The following PRKAG2 variants were observed in gnomAD, a reference collection of about 807,000 sequenced individuals.
PRKAG2 encodes protein kinase AMP-activated non-catalytic subunit gamma 2, also known as 5'-AMP-activated protein kinase subunit gamma-2.
Under a neutral mutation model 69.6 loss-of-function variants are expected in PRKAG2, and 26 were observed. The ratio of observed to expected loss-of-function variants is 0.37; its 90% confidence interval spans 0.27 to 0.52. The LOEUF is 0.52. PRKAG2 is among the 20% of genes least tolerant of loss of function. PRKAG2 has a pLI of 0.90. For synonymous variants in PRKAG2, 293 were observed against 285.0 expected, an observed-to-expected ratio of 1.03 and a Z score of -0.28; for missense variants, 557 against 740.0, an observed-to-expected ratio of 0.75 and a Z score of 2.87.
intron 1 of PRKAG2, among the ~76,000 whole-genome samples, chr7:151,821,451 G>A (rs1417356424): frequency 6.6e-6 from 1 of 152,194 alleles, no homozygotes; most frequent in African/African-American, 2.4e-5. Context: ...TCAGGCAGGT[G>A]CTCCGGGGCT....
At position 151,802,929 on chromosome 7, in the gene PRKAG2, G is replaced by GAT. The variant is rs1038569426; in HGVS notation, c.115-16390_115-16389dup. On this transcript the variant is annotated intron_variant, in intron 1 of 15. Transcript: ENST00000287878. ...TTAAAGTTATCATAGACATATATAT[G>GAT]ATATATATATAAGCAATATGATATA... Among the ~76,000 whole-genome samples, 171 of 137,808 alleles carry GAT rather than the reference G, an allele frequency of 1.2e-3. 1 individual carries two copies. The highest frequency in any genetic ancestry group is 4.6e-3 in the African/African-American group (163 of 35,570). 90.4% of individuals were successfully genotyped at this position (137,808 alleles called of 152,430 possible).
intron 3 of PRKAG2, among the ~76,000 whole-genome samples, chr7:151,727,762 C>A: frequency 6.6e-6 from 1 of 152,148 alleles, no homozygotes; most frequent in Non-Finnish European, 1.5e-5. Context: ...CCCTGTATCC[C>A]CTGGGAGGCG....
At chr7:151,627,691 ATTTTGT>A (rs1018203501) in intron 5 of PRKAG2, among the ~76,000 whole-genome samples, 10 of 152,164 alleles carry the variant, frequency 6.6e-5, no homozygotes, top group African/African-American at 2.2e-4. Context: ...CGTTGTTGTC[ATTTTGT>A]TTTTGTTTTT....
chr7:151,856,606 G>C (rs1040102860), intron 1 of PRKAG2, among the ~76,000 whole-genome samples: 1 of 152,250 alleles, frequency 6.6e-6, no homozygotes, highest in African/African-American at 2.4e-5. Context: ...GTGAATACTA[G>C]GAACAGGCAG....
chr7:151,620,386 G>A (rs962786714), intron 5 of PRKAG2, among the ~76,000 whole-genome samples: 2 of 151,856 alleles, frequency 1.3e-5, no homozygotes, highest in Non-Finnish European at 2.9e-5. Flanking sequence ...ATGTTGCCCA[G>A]ACTGGCCTCA....
Position 151,855,120 on chromosome 7 carries a change from A to AC in PRKAG2, c.114+21386dup, listed in dbSNP as rs1190748279. Among the ~76,000 whole-genome samples the AC allele has an allele frequency of 5.3e-4, 25 of 46,790 alleles. 5 individuals are homozygous for AC. The highest frequency in any genetic ancestry group is 7.1e-4 in the Non-Finnish European group (19 of 26,584). The allele number at this position is 46,790 out of a possible 152,430, so 30.7% of individuals were successfully genotyped here. A position where few individuals can be genotyped will look rare whatever the true frequency, so the allele number is the denominator to read the frequency against. ...CCTCCACACACACCACCCTACACAC[A>AC]CACCATCCTCCACACACACCACCCT... On this transcript the variant is annotated intron_variant, in intron 1 of 15. Transcript: ENST00000287878.
chr7:151,578,140 T>A (rs918835626), intron 6 of PRKAG2, among the ~76,000 whole-genome samples: 1 of 151,566 alleles, frequency 6.6e-6, no homozygotes, highest in Non-Finnish European at 1.5e-5. Context: ...AGGCCAGGAA[T>A]TCGAGACCAG....
At chr7:151,816,418 C>G (rs1041079243) in intron 1 of PRKAG2, among the ~76,000 whole-genome samples, 7 of 152,030 alleles carry the variant, frequency 4.6e-5, no homozygotes, top group African/African-American at 1.7e-4. Flanking sequence ...TATTCTGTGT[C>G]AACAACCCAG....
At chr7:151,860,643 A>G (rs1284545790) in intron 1 of PRKAG2, among the ~76,000 whole-genome samples, 1 of 151,980 alleles carries the variant, frequency 6.6e-6, no homozygotes, top group African/African-American at 2.4e-5. Context: ...AAAGCCCCAT[A>G]TTTATTTTCT....
At chr7:151,763,540 T>A (rs577687379) in intron 3 of PRKAG2, among the ~76,000 whole-genome samples, 1 of 152,326 alleles carries the variant, frequency 6.6e-6, no homozygotes, top group African/African-American at 2.4e-5. Context: ...GTTCGCTGGC[T>A]CCTCAGCCAC....
At chr7:151,779,008 T>C (rs905482872) in intron 3 of PRKAG2, among the ~76,000 whole-genome samples, 1 of 152,222 alleles carries the variant, frequency 6.6e-6, no homozygotes, top group Non-Finnish European at 1.5e-5. Flanking sequence ...CAAATTATTA[T>C]ATGCATATGC....
intron 1 of PRKAG2, among the ~76,000 whole-genome samples, chr7:151,787,166 C>T (rs2077050909): frequency 6.6e-6 from 1 of 152,234 alleles, no homozygotes; most frequent in Non-Finnish European, 1.5e-5. Context: ...GGCACAGCTG[C>T]ATCCCTAACC....
intron 3 of PRKAG2, among the ~76,000 whole-genome samples, chr7:151,724,297 C>G (rs1303276113): frequency 6.6e-6 from 1 of 152,166 alleles, no homozygotes; most frequent in Non-Finnish European, 1.5e-5. Context: ...ATACAGGGCC[C>G]TTTCACAGAC....
chr7:151,836,248 G>T lies in PRKAG2; in HGVS notation c.114+40259C>A, dbSNP rs1433373352. Among the ~76,000 whole-genome samples the T allele has an allele frequency of 1.3e-5, 2 of 152,152 alleles. No homozygotes were observed. Among genetic ancestry groups the T allele is most frequent in the African/African-American group, 4.8e-5 (2 of 41,430 alleles). ...GACTGAGAGACTCGGGGGAGCAGGGGCTGCGTCAGGACCCCCTTTCTGCCA... is the reference window on the plus strand; with the variant it reads ...GACTGAGAGACTCGGGGGAGCAGGGTCTGCGTCAGGACCCCCTTTCTGCCA... On this transcript the variant is annotated intron_variant, in intron 1 of 15. Coordinates refer to ENST00000287878, the MANE Select transcript of PRKAG2 (RefSeq NM_016203.4). This position sits in a 1 kb window ranked among gnomAD's most constrained non-coding sequence, Gnocchi z 4.1.
intron 1 of PRKAG2, among the ~76,000 whole-genome samples, chr7:151,874,049 T>TATGTATATGTATATGTATATG (rs1353836062): frequency 7.6e-6 from 1 of 131,264 alleles, no homozygotes; most frequent in Non-Finnish European, 1.7e-5. Context: ...GATGTATATG[T>TATGTATATGTATATGTATATG]ATGTATATGT....
intron 5 of PRKAG2, among the ~76,000 whole-genome samples, chr7:151,610,967 C>T (rs913618241): frequency 4.6e-5 from 7 of 151,956 alleles, no homozygotes; most frequent in African/African-American, 1.7e-4. Context: ...GTTGGCCAGG[C>T]TGGTTTTGAA....
At chr7:151,633,721 G>A (rs1285572313) in intron 4 of PRKAG2, among the ~76,000 whole-genome samples, 1 of 152,146 alleles carries the variant, frequency 6.6e-6, no homozygotes, top group Non-Finnish European at 1.5e-5. Context: ...GCTGTATGCT[G>A]AAAATCACAA....
At chr7:151,560,121 A>G (rs1009488966) in intron 15 of PRKAG2, 4 of 985,042 alleles carry the variant, frequency 4.1e-6, no homozygotes, top group Admixed American at 6.1e-5. Flanking sequence ...TACTCAAAAT[A>G]TAAGTTTTTT....
rs1228056282 is a variant in PRKAG2 at position 151,719,911 on chromosome 7, C to T, written c.467-44274G>A. Among the ~76,000 whole-genome samples the T allele has an allele frequency of 1.3e-5, 2 of 152,316 alleles. No homozygotes were observed. The highest frequency in any genetic ancestry group is 1.9e-4 in the East Asian group (1 of 5,184). On this transcript the variant is annotated intron_variant, in intron 3 of 15. Coordinates refer to ENST00000287878, the MANE Select transcript of PRKAG2 (RefSeq NM_016203.4). This position sits in a 1 kb window ranked among gnomAD's most constrained non-coding sequence, Gnocchi z 5.2. ...CACTGAGGCCGCCACATTCAATCTG[C>T]ACCTTCCCATGGAACTCTCCCAATT... is the stretch of plus-strand genomic sequence containing the variant.
Sources: gnomAD v4.1 joint callset for allele counts (sites outside exome capture counted in the v4.1 genomes callset) on GRCh38, gnomAD v4.1.1 for gene constraint, Gnocchi (gnomAD v3.1) non-coding constraint, MANE v1.5 for transcripts, NCBI Gene and HGNC (gene_info 2026-07-23, HGNC 2026-07-21) for gene names.